DIAPH2: variants seen among roughly 807,000 people sequenced by gnomAD.
DIAPH2 encodes the protein diaphanous related formin 2.
In DIAPH2, 35 loss-of-function variants were observed where a neutral mutation model predicts 92.7. The ratio of observed to expected loss-of-function variants is 0.38; its 90% CI spans 0.29 to 0.50. DIAPH2 has a LOEUF of 0.50. Ranked by LOEUF, DIAPH2 falls within the 20% of genes least tolerant of loss-of-function variation. The pLI, the probability that DIAPH2 is intolerant of heterozygous loss-of-function variation, is 0.94. For synonymous variants in DIAPH2, 301 were observed against 280.4 expected, an observed-to-expected ratio of 1.07 and a Z score of -0.73; for missense variants, 701 against 819.5, an observed-to-expected ratio of 0.86 and a Z score of 1.77.
intron 17 of DIAPH2, among the ~76,000 whole-genome samples, chrX:97,071,834 G>A (rs979724612): frequency 9.0e-6 from 1 of 111,284 alleles, no homozygotes; most frequent in Admixed American, 9.6e-5. Flanking sequence ...ACAAAGATTA[G>A]GTGAATTAAA....
At chrX:96,907,518 A>C (rs829295) in intron 5 of DIAPH2, among the ~76,000 whole-genome samples, 1 of 110,691 alleles carries the variant, frequency 9.0e-6, no homozygotes, top group Non-Finnish European at 1.9e-5. Context: ...CATGTGCTTA[A>C]GAGTCAGATA....
chrX:97,395,865 T>C (rs753106767), intron 25 of DIAPH2, among the ~76,000 whole-genome samples: 2 of 112,551 alleles, frequency 1.8e-5, no homozygotes, highest in Admixed American at 9.4e-5. Context: ...GTAAGAGCTG[T>C]CTTCAGTGTG....
chrX:97,015,453 CATTT>C (rs905813818), intron 17 of DIAPH2, among the ~76,000 whole-genome samples: 31 of 111,511 alleles, frequency 2.8e-4, no homozygotes, highest in African/African-American at 9.8e-4. Flanking sequence ...TATGTGTATT[CATTT>C]GTCATTTATT....
chrX:97,391,756 A>G (rs2069662063), intron 25 of DIAPH2, among the ~76,000 whole-genome samples: 1 of 111,161 alleles, frequency 9.0e-6, no homozygotes, highest in Admixed American at 9.6e-5. Context: ...AAAATTATAT[A>G]CATTCATCAA....
chrX:97,281,103 A>G (rs2068493042), intron 23 of DIAPH2, among the ~76,000 whole-genome samples: 1 of 111,894 alleles, frequency 8.9e-6, no homozygotes, highest in Non-Finnish European at 1.9e-5. Context: ...TCAAGAGTAA[A>G]ACTCTTTACG....
chrX:97,189,909 C>T (rs1339622487), intron 22 of DIAPH2, among the ~76,000 whole-genome samples: 2 of 112,737 alleles, frequency 1.8e-5, no homozygotes, highest in African/African-American at 3.2e-5. Context: ...TAAAGGCTGC[C>T]TACTCAAACT....
intron 23 of DIAPH2, among the ~76,000 whole-genome samples, chrX:97,332,323 A>T (rs1049368981): frequency 1.8e-5 from 2 of 111,747 alleles, no homozygotes; most frequent in Non-Finnish European, 3.8e-5. Flanking sequence ...TATATATATA[A>T]AAAGGGCTAA....
At chrX:97,589,596 T>C (rs1205260088) in intron 26 of DIAPH2, among the ~76,000 whole-genome samples, 5 of 111,145 alleles carry the variant, frequency 4.5e-5, no homozygotes, top group African/African-American at 9.8e-5. Context: ...GATGGACATA[T>C]TGGTTATTTA....
intron 26 of DIAPH2, among the ~76,000 whole-genome samples, chrX:97,537,278 A>G (rs2071103823): frequency 8.9e-6 from 1 of 111,825 alleles, no homozygotes; most frequent in Admixed American, 9.5e-5. Context: ...TGGAAGGCCA[A>G]ATATATGACT....
chrX:96,712,161 A>G (rs2063922292), intron 1 of DIAPH2, among the ~76,000 whole-genome samples: 1 of 110,747 alleles, frequency 9.0e-6, no homozygotes, highest in Non-Finnish European at 1.9e-5. Flanking sequence ...ATCATCATAT[A>G]TTGTTCTCCC....
chrX:97,495,977 A>G (rs73554309), intron 26 of DIAPH2, among the ~76,000 whole-genome samples: 2,053 of 110,648 alleles, frequency 0.019, 49 homozygotes, highest in African/African-American at 0.064. Flanking sequence ...AAACATAGAA[A>G]CAGCAACAAA....
chrX:97,370,966 G>C (rs2069442812), intron 24 of DIAPH2, among the ~76,000 whole-genome samples: 2 of 111,737 alleles, frequency 1.8e-5, no homozygotes, highest in African/African-American at 6.5e-5. Flanking sequence ...TAACTTTACA[G>C]TTGCACTTGA....
At chrX:96,877,525 T>A (rs1219844973) in intron 4 of DIAPH2, among the ~76,000 whole-genome samples, 1 of 111,709 alleles carries the variant, frequency 9.0e-6, no homozygotes, top group African/African-American at 3.2e-5. Flanking sequence ...CTGTGTACAA[T>A]CAATAGTTCT....
chrX:96,884,918 A>T lies in DIAPH2; in HGVS notation c.587+3200A>T, dbSNP rs759709110. 1.2e-5 allele frequency: 15 copies of T among 1,211,306 alleles called. No individual in the cohort carries two copies. In the South Asian group the frequency reaches 2.3e-4, roughly 18 times the overall value. On this transcript the variant is annotated intron_variant, in intron 5 of 26. Coordinates refer to ENST00000324765, the MANE Select transcript of DIAPH2 (RefSeq NM_006729.5). Reference sequence around the variant, plus strand: ...GAGAGTCACCGCAATTTCATCCAGGACGAAGTGCTGCGTTTGATTCATGAG... The same window carrying T: ...GAGAGTCACCGCAATTTCATCCAGGTCGAAGTGCTGCGTTTGATTCATGAG...
chrX:97,156,126 G>A (rs1011928202), intron 22 of DIAPH2, among the ~76,000 whole-genome samples: 17 of 112,302 alleles, frequency 1.5e-4, no homozygotes, highest in African/African-American at 4.8e-4. Context: ...CCAAATGCCA[G>A]TGCAGCTAAT....
intron 26 of DIAPH2, among the ~76,000 whole-genome samples, chrX:97,472,996 C>T (rs1375198558): frequency 8.9e-6 from 1 of 111,952 alleles, no homozygotes; most frequent in Admixed American, 9.5e-5. Flanking sequence ...TATAAGTCCA[C>T]CTAGTTCTTC....
At chrX:97,220,228 G>A (rs998019544) in intron 22 of DIAPH2, among the ~76,000 whole-genome samples, 1 of 110,262 alleles carries the variant, frequency 9.1e-6, no homozygotes, top group Non-Finnish European at 1.9e-5. Context: ...CTAGGATTCT[G>A]CAGGTTTTTT....
At chrX:97,133,293 T>C (rs1157659586) in intron 21 of DIAPH2, among the ~76,000 whole-genome samples, 1 of 111,113 alleles carries the variant, frequency 9.0e-6, no homozygotes, top group Non-Finnish European at 1.9e-5. Flanking sequence ...CTTTTTTCTT[T>C]TTTTTTTCTT....
chrX:97,015,184 A>G (rs780119989), intron 17 of DIAPH2, among the ~76,000 whole-genome samples: 7 of 111,998 alleles, frequency 6.3e-5, no homozygotes, highest in African/African-American at 2.3e-4. Flanking sequence ...TGAAAGATAC[A>G]TGGGGAAAAA....
Sources: gnomAD v4.1 joint callset for allele counts (sites outside exome capture counted in the v4.1 genomes callset) on GRCh38, gnomAD v4.1.1 for gene constraint, MANE v1.5 for transcripts, NCBI Gene and HGNC (gene_info 2026-07-23, HGNC 2026-07-21) for gene names.